The following SLC35F1 variants were observed in gnomAD, a reference collection of about 807,000 sequenced individuals.
SLC35F1 encodes the protein solute carrier family 35 member F1.
A neutral mutation model predicts 48.7 loss-of-function variants in SLC35F1; 14 were observed. The observed-to-expected ratio is 0.29, with a 90% confidence interval of 0.19 to 0.45. The LOEUF is 0.45. Ranked by LOEUF, SLC35F1 falls within the 20% of genes least tolerant of loss-of-function variation. The pLI, the probability that SLC35F1 is intolerant of heterozygous loss-of-function variation, is 1.00. For synonymous variants in SLC35F1, 190 were observed against 202.2 expected, an observed-to-expected ratio of 0.94 and a Z score of 0.51; for missense variants, 404 against 500.0, an observed-to-expected ratio of 0.81 and a Z score of 1.83.
intron 1 of SLC35F1, among the ~76,000 whole-genome samples, chr6:118,151,368 T>C (rs190933898): frequency 6.6e-6 from 1 of 152,328 alleles, no homozygotes; most frequent in Non-Finnish European, 1.5e-5. Context: ...TCTGATCCCA[T>C]GCTACTAATG....
chr6:118,050,755 C>A (rs1309041660), intron 1 of SLC35F1, among the ~76,000 whole-genome samples: 1 of 151,976 alleles, frequency 6.6e-6, no homozygotes, highest in Admixed American at 6.6e-5. Context: ...TTGTTGTAAA[C>A]CATATTTAAG....
chr6:118,264,639 A>G (rs1344964784), intron 3 of SLC35F1, among the ~76,000 whole-genome samples: 1 of 152,232 alleles, frequency 6.6e-6, no homozygotes, highest in Non-Finnish European at 1.5e-5. Context: ...GCTTGCCCTC[A>G]ATAATTCAGG....
intron 7 of SLC35F1, among the ~76,000 whole-genome samples, chr6:118,309,137 G>A (rs283043): frequency 0.086 from 13,046 of 151,566 alleles, 745 homozygotes; most frequent in African/African-American, 0.16. Flanking sequence ...TCAGAAGGCA[G>A]ATGGTATCAG....
chr6:118,266,904 C>G (rs1278800830), intron 3 of SLC35F1, 91 bp from the exon 4 acceptor site: 27 of 1,415,672 alleles, frequency 1.9e-5, no homozygotes, highest in Middle Eastern at 1.8e-4. Flanking sequence ...AAGGCAGAAC[C>G]CTTTCTGCAG....
chr6:118,268,640 C>T (rs1332797585), intron 4 of SLC35F1, among the ~76,000 whole-genome samples: 7 of 125,056 alleles, frequency 5.6e-5, no homozygotes, highest in African/African-American at 9.2e-5. Flanking sequence ...GACAGAGTCC[C>T]GCTCTGTTGC....
intron 1 of SLC35F1, among the ~76,000 whole-genome samples, chr6:118,062,238 C>G (rs997130736): frequency 1.3e-5 from 2 of 152,052 alleles, no homozygotes; most frequent in African/African-American, 2.4e-5. Context: ...TCAATGTTAA[C>G]AGAGGGCTGA....
intron 1 of SLC35F1, among the ~76,000 whole-genome samples, chr6:117,966,131 G>GGCCCCCCCCCCCC (rs1184701438): frequency 3.0e-5 from 3 of 101,076 alleles, no homozygotes; most frequent in African/African-American, 4.3e-5. Flanking sequence ...GCAGGCCACC[G>GGCCCCCCCCCCCC]CCCCCCCCCC....
At chr6:117,993,361 G>A (rs1345200102) in intron 1 of SLC35F1, among the ~76,000 whole-genome samples, 1 of 152,092 alleles carries the variant, frequency 6.6e-6, no homozygotes, top group Non-Finnish European at 1.5e-5. Flanking sequence ...TGAAATTATA[G>A]TCATTCCTTT....
chr6:118,271,436 C>A (rs1446507301), intron 4 of SLC35F1, among the ~76,000 whole-genome samples: 1 of 152,104 alleles, frequency 6.6e-6, no homozygotes, highest in Non-Finnish European at 1.5e-5. Flanking sequence ...TGGAGAAGTT[C>A]CCCAGATGTG....
Position 118,190,092 on chromosome 6 carries a change from TC to T in SLC35F1, c.349+35478del, listed in dbSNP as rs1382801310. On this transcript the variant is annotated intron_variant, in intron 2 of 7. Transcript: ENST00000360388. ...GCCATATTTAGTTTGCTTTAACAATTCCCCCCTTTTAGTCGTTTTCTTCATT... is the reference window on the plus strand; with the variant it reads ...GCCATATTTAGTTTGCTTTAACAATTCCCCCTTTTAGTCGTTTTCTTCATT... Among the ~76,000 whole-genome samples the T allele has an allele frequency of 2.6e-5, 4 of 152,258 alleles. No homozygotes were observed. The East Asian group carries it at 7.7e-4, about 29-fold the overall frequency.
At chr6:118,163,306 T>C (rs1200895517) in intron 2 of SLC35F1, among the ~76,000 whole-genome samples, 3 of 152,050 alleles carry the variant, frequency 2.0e-5, no homozygotes, top group African/African-American at 7.2e-5. Flanking sequence ...TACATAGAAC[T>C]CTCAGTATCA....
At chr6:117,979,134 G>T (rs1175262858) in intron 1 of SLC35F1, among the ~76,000 whole-genome samples, 1 of 152,170 alleles carries the variant, frequency 6.6e-6, no homozygotes, top group Non-Finnish European at 1.5e-5. Flanking sequence ...ATGCCTTTGT[G>T]GTCAGTTTAG....
chr6:118,182,489 CA>C (rs1407475773), intron 2 of SLC35F1, among the ~76,000 whole-genome samples: 110 of 52,734 alleles, frequency 2.1e-3, no homozygotes, highest in East Asian at 2.8e-3. Context: ...GAGACCCTGT[CA>C]AAAAAAAAAA....
At chr6:118,229,383 T>C (rs977472337) in intron 2 of SLC35F1, among the ~76,000 whole-genome samples, 1 of 152,168 alleles carries the variant, frequency 6.6e-6, no homozygotes, top group Non-Finnish European at 1.5e-5. Flanking sequence ...GATTCAGAGC[T>C]GAGGGCTGGC....
Position 118,202,402 on chromosome 6 carries a change from CAGG to C in SLC35F1, c.350-33102_350-33100del, listed in dbSNP as rs1315270248. Among the ~76,000 whole-genome samples the C allele has an allele frequency of 3.9e-5, 6 of 152,222 alleles. No individual in the cohort carries two copies. The East Asian group carries it at 1.2e-3, about 29-fold the overall frequency. The stretch of plus-strand genomic sequence containing the variant: ...GTCCTAGCTACTTAGGAGGGTGAGG[CAGG>C]AGGATTGCTTGAACCCAGGAGTTTG... On this transcript the variant is annotated intron_variant, in intron 2 of 7. Coordinates refer to ENST00000360388, the MANE Select transcript of SLC35F1 (RefSeq NM_001029858.4).
At chr6:118,277,259 G>A (rs1246109199) in intron 5 of SLC35F1, among the ~76,000 whole-genome samples, 2 of 152,188 alleles carry the variant, frequency 1.3e-5, no homozygotes, top group Non-Finnish European at 2.9e-5. Context: ...AGAGCAGGAA[G>A]GGTTGAGCGC....
At chr6:118,176,482 A>G (rs1370469296) in intron 2 of SLC35F1, among the ~76,000 whole-genome samples, 2 of 152,122 alleles carry the variant, frequency 1.3e-5, no homozygotes, top group Non-Finnish European at 2.9e-5. Flanking sequence ...GGCATGAGCC[A>G]TAGTGCTGGG....
intron 1 of SLC35F1, among the ~76,000 whole-genome samples, chr6:117,993,360 A>G (rs1582605242): frequency 6.6e-6 from 1 of 152,328 alleles, no homozygotes; most frequent in East Asian, 1.9e-4. Flanking sequence ...TTGAAATTAT[A>G]GTCATTCCTT....
At chr6:118,139,772 C>A (rs1324081532) in intron 1 of SLC35F1, among the ~76,000 whole-genome samples, 1 of 152,188 alleles carries the variant, frequency 6.6e-6, no homozygotes, top group Non-Finnish European at 1.5e-5. Flanking sequence ...CCAGTGTGCT[C>A]TTGGTTTACC....
Sources: gnomAD v4.1 joint callset for allele counts (sites outside exome capture counted in the v4.1 genomes callset) on GRCh38, gnomAD v4.1.1 for gene constraint, MANE v1.5 for transcripts, NCBI Gene and HGNC (gene_info 2026-07-23, HGNC 2026-07-21) for gene names.